DNAJC13: variants seen among roughly 807,000 people sequenced by gnomAD.
DNAJC13 encodes the protein DnaJ heat shock protein family (Hsp40) member C13, also known as dnaJ homolog subfamily C member 13.
Under a neutral mutation model 290.5 loss-of-function variants are expected in DNAJC13, and 75 were observed. The ratio of observed to expected loss-of-function variants is 0.26; its 90% CI spans 0.21 to 0.31. The LOEUF (loss-of-function observed/expected upper bound fraction) is 0.31, where lower values mean the gene tolerates loss of function less well. DNAJC13 is among the 10% of genes least tolerant of loss of function. DNAJC13 has a pLI of 1.00. For synonymous variants in DNAJC13, 862 were observed against 892.0 expected, an observed-to-expected ratio of 0.97 and a Z score of 0.60; for missense variants, 2,260 against 2,674.5, an observed-to-expected ratio of 0.85 and a Z score of 3.42.
intron 26 of DNAJC13, among the ~76,000 whole-genome samples, chr3:132,481,810 G>C (rs949311253): frequency 1.3e-4 from 20 of 152,116 alleles, no homozygotes; most frequent in African/African-American, 4.6e-4. Flanking sequence ...GTTGGAGTGA[G>C]TTTTTCCCCC....
chr3:132,419,293 G>C (rs556500612), intron 1 of DNAJC13, among the ~76,000 whole-genome samples: 1 of 152,254 alleles, frequency 6.6e-6, no homozygotes, highest in Non-Finnish European at 1.5e-5. Flanking sequence ...GAGAGGCAAT[G>C]AATATTCCTC....
chr3:132,499,898 A>C, intron 38 of DNAJC13, 90 bp downstream of exon 38: 3 of 1,233,544 alleles, frequency 2.4e-6, no homozygotes, highest in Non-Finnish European at 3.5e-6. Flanking sequence ...AGGGCTCATT[A>C]AACTGTAGGT....
At chr3:132,493,715 A>G (rs980022176) in intron 33 of DNAJC13, among the ~76,000 whole-genome samples, 13 of 152,092 alleles carry the variant, frequency 8.5e-5, no homozygotes, top group Non-Finnish European at 1.9e-4. Flanking sequence ...CACCTTGAGA[A>G]GCACACCACA....
rs768188481 is a variant in DNAJC13, at chr3:132,494,277, C to G, written c.3941+18C>G. On this transcript the variant is annotated intron_variant, in intron 34 of 55. Transcript: ENST00000260818. ...CAGGGACCGTGAGTTGTTTTCAGTA[C>G]AATAGCAAATGTCTGTCCCACCTTA... The G allele has an allele frequency of 1.3e-6, 2 of 1,550,824 alleles. No individual in the cohort carries two copies. Among genetic ancestry groups the G allele is most frequent in the South Asian group, 2.2e-5 (2 of 89,174 alleles).
At chr3:132,512,485 T>C (rs1935806503) in intron 44 of DNAJC13, among the ~76,000 whole-genome samples, 1 of 152,132 alleles carries the variant, frequency 6.6e-6, no homozygotes, top group Non-Finnish European at 1.5e-5. Context: ...AGTAAATATA[T>C]GGGATTAGGA....
intron 48 of DNAJC13, among the ~76,000 whole-genome samples, chr3:132,522,275 A>G (rs914041226): frequency 1.3e-5 from 2 of 152,130 alleles, no homozygotes; most frequent in Non-Finnish European, 2.9e-5. Flanking sequence ...ATGAATTTTC[A>G]TTTTGTCTGT....
chr3:132,465,337 T>C (rs1933942721), intron 17 of DNAJC13, among the ~76,000 whole-genome samples: 1 of 151,290 alleles, frequency 6.6e-6, no homozygotes, highest in African/African-American at 2.5e-5. Flanking sequence ...GTGGGTAAAA[T>C]AGGGTTTCTA....
chr3:132,527,609 C>T (rs1315151576), intron 53 of DNAJC13, among the ~76,000 whole-genome samples: 1 of 152,190 alleles, frequency 6.6e-6, no homozygotes, highest in South Asian at 2.1e-4. Flanking sequence ...TTGTGACTAT[C>T]TCACAAGGTT....
chr3:132,528,130 C>T (rs1015424732), intron 53 of DNAJC13, 59 bp from the exon 54 acceptor site: 74 of 1,595,306 alleles, frequency 4.6e-5, no homozygotes, highest in Non-Finnish European at 6.3e-5. Context: ...AAAATTATTT[C>T]TTCAGTGGAT....
Position 132,528,345 on chromosome 3 carries a change from A to T in DNAJC13, c.6525+13A>T, listed in dbSNP as rs756027624. On this transcript the variant is annotated intron_variant, in intron 54 of 55. Transcript: ENST00000260818. ...GTATGGAGAACAGGTGAGTCTGCATAGAGTCAACTTTTGATATTCTAAAAG... is the reference window on the plus strand; with the variant it reads ...GTATGGAGAACAGGTGAGTCTGCATTGAGTCAACTTTTGATATTCTAAAAG... 2.5e-6 allele frequency: 4 copies of T among 1,613,412 alleles called. No homozygotes were observed. Among genetic ancestry groups the T allele is most frequent in the Non-Finnish European group, 3.4e-6 (4 of 1,179,594 alleles).
intron 16 of DNAJC13, 61 bp from the exon 17 acceptor site, chr3:132,463,631 TTTTA>T: frequency 6.6e-7 from 1 of 1,517,510 alleles, no homozygotes; most frequent in Non-Finnish European, 8.8e-7. Flanking sequence ...AAAATTAGTT[TTTTA>T]AAGTTTGGAT....
chr3:132,482,962 G>A (rs1934727743), intron 27 of DNAJC13, among the ~76,000 whole-genome samples: 1 of 152,004 alleles, frequency 6.6e-6, no homozygotes, highest in South Asian at 2.1e-4. Context: ...AAAATTCATT[G>A]AAAATTATTC....
chr3:132,495,435 A>C (rs1367845259), intron 35 of DNAJC13, among the ~76,000 whole-genome samples: 1 of 152,156 alleles, frequency 6.6e-6, no homozygotes, highest in Non-Finnish European at 1.5e-5. Context: ...CTAATGGGCA[A>C]TCATAAGAAT....
intron 20 of DNAJC13, among the ~76,000 whole-genome samples, chr3:132,470,574 C>T (rs1439842807): frequency 4.4e-5 from 6 of 137,824 alleles, no homozygotes; most frequent in African/African-American, 8.2e-5. Context: ...CGGGCAGAGG[C>T]GCCCCTCACC....
At chr3:132,500,959 C>T in intron 39 of DNAJC13, 46 bp downstream of exon 39, 1 of 1,601,142 alleles carries the variant, frequency 6.2e-7, no homozygotes, top group Non-Finnish European at 8.5e-7. Context: ...AGCAAAGTGT[C>T]TTTTTGTCAA....
At chr3:132,453,256 G>A in intron 6 of DNAJC13, 42 bp from the exon 7 acceptor site, 1 of 1,576,128 alleles carries the variant, frequency 6.3e-7, no homozygotes, top group African/African-American at 1.4e-5. Context: ...ACACATTTCA[G>A]TTGTTTCAAC....
intron 54 of DNAJC13, among the ~76,000 whole-genome samples, chr3:132,530,630 C>A (rs564133065): frequency 6.6e-6 from 1 of 152,316 alleles, no homozygotes; most frequent in Non-Finnish European, 1.5e-5. Context: ...TACCTTCTCC[C>A]CAAACTCCTT....
Position 132,467,175 on chromosome 3 carries a change from G to A in DNAJC13, c.2070G>A (p.Gln690=), listed in dbSNP as rs756346011. 2.5e-6 allele frequency: 4 copies of A among 1,611,770 alleles called. No homozygotes were observed. The highest frequency in any genetic ancestry group is 2.2e-5 in the South Asian group (2 of 90,530). The change falls in exon 20 of 56, where the codon CAG becomes CAA. Residue 690 remains glutamine, a synonymous_variant. Coordinates refer to ENST00000260818, the MANE Select transcript of DNAJC13 (RefSeq NM_015268.4). ...VRDNVKIAMD[Q]YGKFNKVPEW... Reference sequence around the variant, plus strand: ...ATTCCAACATTATTTTACAGGATCAGTATGGAAAATTTAATAAAGTTCCAG... The same window carrying A: ...ATTCCAACATTATTTTACAGGATCAATATGGAAAATTTAATAAAGTTCCAG...
chr3:132,448,262 AGTGCATGTTGGAACATTCATTCATT>A (rs1398705155), intron 5 of DNAJC13, among the ~76,000 whole-genome samples: 1 of 152,194 alleles, frequency 6.6e-6, no homozygotes. Context: ...TACTGCTGAT[AGTGCATGTTGGAACATTCATTCATT>A]GTTTGGTGTA....
Sources: allele counts gnomAD v4.1 joint callset (sites outside exome capture counted in the v4.1 genomes callset), GRCh38; gene constraint gnomAD v4.1.1; transcripts MANE v1.5; gene names NCBI Gene and HGNC (gene_info 2026-07-23, HGNC 2026-07-21).